Variants in SENP6 observed in about 807,000 individuals in gnomAD.
SENP6 encodes SUMO specific peptidase 6, also known as sentrin-specific protease 6.
A neutral mutation model predicts 134.5 loss-of-function variants in SENP6; 41 were observed. The ratio of observed to expected loss-of-function variants is 0.30; its 90% confidence interval spans 0.24 to 0.40. The LOEUF (loss-of-function observed/expected upper bound fraction) is 0.40. SENP6 is among the 10% of genes least tolerant of loss of function. The pLI is 1.00. For missense variants in SENP6, 1,248 were observed against 1,312.5 expected, an observed-to-expected ratio of 0.95 and a Z score of 0.76; for synonymous variants, 395 against 429.8, an observed-to-expected ratio of 0.92 and a Z score of 1.00.
intron 18 of SENP6, among the ~76,000 whole-genome samples, chr6:75,699,660 G>A (rs114071937): frequency 0.02 from 2,994 of 150,964 alleles, 111 homozygotes; most frequent in African/African-American, 0.069. Flanking sequence ...GCTAATTTTT[G>A]TATTTTTTTT....
Position 75,697,470 on chromosome 6 carries a change from C to A in SENP6, c.2241C>A (p.His747Gln). The A allele has an allele frequency of 6.2e-7, 1 of 1,613,228 alleles. No homozygotes were observed. The highest frequency in any genetic ancestry group is 1.3e-5 in the African/African-American group (1 of 74,986). ...RHGRVKTWTR[H>Q]VDIFEKDFIF... is the part of the protein sequence containing the mutation. ...GGAGAGTAAAAACATGGACCCGGCA[C>A]GTAGATATTTTTGAGAAGGATTTTA... The change falls in exon 18 of 24, where the codon CAC becomes CAA. Residue 747 changes from histidine to glutamine, a missense_variant. His to Gln is a conservative substitution (Grantham distance 24, BLOSUM62 0). Coordinates refer to ENST00000447266, the MANE Select transcript of SENP6 (RefSeq NM_015571.4).
At chr6:75,714,155 T>C (rs897548512) in intron 23 of SENP6, among the ~76,000 whole-genome samples, 1 of 152,192 alleles carries the variant, frequency 6.6e-6, no homozygotes, top group Non-Finnish European at 1.5e-5. Context: ...ATAGATACAT[T>C]TCTTAAGAAG....
intron 11 of SENP6, among the ~76,000 whole-genome samples, chr6:75,671,195 C>CA (rs1252970913): frequency 6.6e-6 from 1 of 152,142 alleles, no homozygotes; most frequent in East Asian, 1.9e-4. Context: ...ACTATTCTGC[C>CA]ACCAATCCAA....
In SENP6 at chr6:75,677,213, G is replaced by T. The variant is rs774578807; in HGVS notation, c.1805G>T (p.Ser602Ile). The stretch of plus-strand genomic sequence containing the variant: ...GCCTGTACAAGAACCTATGAAGAGA[G>T]CATCAAAGGAAGTTGTGGGCAAAAG... The part of the protein sequence containing the change: ...LVACTRTYEE[S>I]IKGSCGQKEN... The change falls in exon 14 of 24, where the codon AGC becomes ATC. Residue 602 changes from serine to isoleucine, a missense_variant. Transcript: ENST00000447266. The T allele has an allele frequency of 6.2e-7, 1 of 1,601,000 alleles. No homozygotes were observed. Among genetic ancestry groups the T allele is most frequent in the Non-Finnish European group, 8.5e-7 (1 of 1,174,214 alleles).
chr6:75,665,798 A>T (rs1321402133), intron 9 of SENP6, among the ~76,000 whole-genome samples: 1 of 152,018 alleles, frequency 6.6e-6, no homozygotes. Context: ...AGGCTGAGGC[A>T]GGCGGATCAC....
chr6:75,674,800 A>T (rs1178840349), intron 11 of SENP6, among the ~76,000 whole-genome samples: 1 of 152,202 alleles, frequency 6.6e-6, no homozygotes, highest in Non-Finnish European at 1.5e-5. Context: ...CTTCACACTG[A>T]AAAGTTGAAA....
At chr6:75,699,049 G>T (rs1774845794) in intron 18 of SENP6, among the ~76,000 whole-genome samples, 1 of 151,290 alleles carries the variant, frequency 6.6e-6, no homozygotes, top group Non-Finnish European at 1.5e-5. Context: ...AGACAGAAAA[G>T]AAGGTTTCTT....
At chr6:75,651,497 C>T (rs999513953) in intron 7 of SENP6, among the ~76,000 whole-genome samples, 2 of 152,130 alleles carry the variant, frequency 1.3e-5, no homozygotes, top group Non-Finnish European at 2.9e-5. Flanking sequence ...ACTGCAGGCG[C>T]ATGCTGCCAC....
chr6:75,614,169 A>G (rs994623593), intron 1 of SENP6, among the ~76,000 whole-genome samples: 3 of 152,000 alleles, frequency 2.0e-5, no homozygotes, highest in African/African-American at 4.8e-5. Flanking sequence ...TGAGGGGACC[A>G]TGATGTCAAT....
In SENP6 at chr6:75,623,193, G is replaced by C. The variant is rs1378819103; in HGVS notation, c.147-707G>C. Among the ~76,000 whole-genome samples, 3 of 152,280 alleles carry C rather than the reference G, an allele frequency of 2.0e-5. No homozygotes were observed. In the East Asian group the frequency reaches 5.8e-4, roughly 29 times the overall value. On this transcript the variant is annotated intron_variant, in intron 2 of 23. Transcript: ENST00000447266. Reference sequence around the variant, plus strand: ...TTGTATTTGACTTTCTTTGATGGCAGATTTACTGTAGTTATACATTTTTTA... The same window carrying C: ...TTGTATTTGACTTTCTTTGATGGCACATTTACTGTAGTTATACATTTTTTA...
At chr6:75,663,821 T>TGGGG (rs34474209) in intron 9 of SENP6, among the ~76,000 whole-genome samples, 1 of 117,464 alleles carries the variant, frequency 8.5e-6, no homozygotes, top group African/African-American at 3.1e-5. Flanking sequence ...TTTTTTTTTG[T>TGGGG]GGGGGGGGGG....
intron 16 of SENP6, among the ~76,000 whole-genome samples, chr6:75,689,021 A>T (rs1037161288): frequency 6.6e-6 from 1 of 152,166 alleles, no homozygotes; most frequent in Non-Finnish European, 1.5e-5. Flanking sequence ...AGCCGAGATC[A>T]TGCCATTGAA....
At chr6:75,611,448 T>C (rs1241398131) in intron 1 of SENP6, 3 of 152,174 alleles carry the variant, frequency 2.0e-5, no homozygotes, top group African/African-American at 7.2e-5. Flanking sequence ...ATTTCTTGAG[T>C]CTCTGTTAAT....
At chr6:75,709,428 A>G (rs1775618072) in intron 19 of SENP6, 99 bp from the exon 20 acceptor site, 3 of 724,440 alleles carry the variant, frequency 4.1e-6, no homozygotes, top group South Asian at 2.0e-5. Flanking sequence ...GTTCTTGACT[A>G]CTGTATCATT....
At chr6:75,640,477 TC>T (rs199545912) in intron 5 of SENP6, among the ~76,000 whole-genome samples, 67 of 129,344 alleles carry the variant, frequency 5.2e-4, no homozygotes, top group African/African-American at 1.6e-3. Flanking sequence ...GTATTCATCT[TC>T]CTGTTTGTTT....
At chr6:75,681,698 CATG>C (rs1165535858) in intron 16 of SENP6, among the ~76,000 whole-genome samples, 2 of 151,918 alleles carry the variant, frequency 1.3e-5, no homozygotes, top group African/African-American at 4.8e-5. Context: ...TTTTAATGAA[CATG>C]ATGACAACTC....
At chr6:75,686,566 C>G (rs1371172199) in intron 16 of SENP6, among the ~76,000 whole-genome samples, 1 of 152,180 alleles carries the variant, frequency 6.6e-6, no homozygotes, top group Non-Finnish European at 1.5e-5. Flanking sequence ...GTGCTTCTTT[C>G]AGGAGCTCTT....
At chr6:75,638,415 A>T (rs1446747962) in intron 5 of SENP6, among the ~76,000 whole-genome samples, 1 of 150,140 alleles carries the variant, frequency 6.7e-6, no homozygotes, top group Non-Finnish European at 1.5e-5. Flanking sequence ...ACATGAAAGC[A>T]ACTCTAGGGC....
intron 1 of SENP6, among the ~76,000 whole-genome samples, chr6:75,608,020 A>G (rs1767155265): frequency 6.6e-6 from 1 of 152,194 alleles, no homozygotes; most frequent in Non-Finnish European, 1.5e-5. Context: ...ACTTTTGGAA[A>G]CTACATCATG....
Sources: allele counts gnomAD v4.1 joint callset (sites outside exome capture counted in the v4.1 genomes callset), GRCh38; gene constraint gnomAD v4.1.1; transcripts MANE v1.5; gene names NCBI Gene and HGNC (gene_info 2026-07-23, HGNC 2026-07-21).